CFAP57: variants seen among roughly 807,000 people sequenced by gnomAD.
The protein encoded by CFAP57 is cilia- and flagella-associated protein 57.
Under a neutral mutation model 146.8 loss-of-function variants are expected in CFAP57, and 116 were observed. The observed-to-expected ratio is 0.79, with a 90% confidence interval of 0.68 to 0.92. The LOEUF (loss-of-function observed/expected upper bound fraction) is 0.92. Ranked by LOEUF, CFAP57 falls within the 40% of genes least tolerant of loss-of-function variation. The pLI, the probability that CFAP57 is intolerant of heterozygous loss-of-function variation, is 0.00. For missense variants in CFAP57, 1,377 were observed against 1,527.2 expected (o/e 0.90, Z 1.64); for synonymous variants, 518 against 552.8 (o/e 0.94, Z 0.88).
At chr1:43,235,772 C>T (rs1351805430) in intron 21 of CFAP57, among the ~76,000 whole-genome samples, 1 of 152,302 alleles carries the variant, frequency 6.6e-6, no homozygotes, top group East Asian at 1.9e-4. Context: ...TGGAGAGCCC[C>T]CTGGGGCTCT....
chr1:43,186,337 C>T (rs1458518023), intron 5 of CFAP57, among the ~76,000 whole-genome samples: 2 of 151,920 alleles, frequency 1.3e-5, no homozygotes, highest in African/African-American at 4.8e-5. Context: ...CTAGGCCGGG[C>T]GCAGTTGCTC....
chr1:43,213,875 T>C (rs1375740860), intron 11 of CFAP57, among the ~76,000 whole-genome samples: 5 of 148,076 alleles, frequency 3.4e-5, no homozygotes, highest in Non-Finnish European at 6.0e-5. Context: ...TGTCTATTCA[T>C]GTCCTTAGCC....
At chr1:43,218,301 C>T (rs750444204) in intron 12 of CFAP57, among the ~76,000 whole-genome samples, 33 of 152,072 alleles carry the variant, frequency 2.2e-4, no homozygotes, top group Non-Finnish European at 3.7e-4. Context: ...TCATTGAGTA[C>T]GATGGGAGAA....
intron 18 of CFAP57, among the ~76,000 whole-genome samples, chr1:43,231,062 C>T (rs1645447236): frequency 2.0e-5 from 3 of 152,190 alleles, no homozygotes; most frequent in South Asian, 2.1e-4. Context: ...AGGCTCTTTT[C>T]GTGTCCCTCA....
rs551434435 is a variant in CFAP57 at position 43,240,363 on chromosome 1, A to G, written c.3406-2864A>G. Among the ~76,000 whole-genome samples the G allele has an allele frequency of 4.6e-5, 7 of 152,304 alleles. No individual in the cohort carries two copies. In the East Asian group the frequency reaches 1.2e-3, roughly 25 times the overall value. ...GTGCCATGGGACTGTTTTCCTTAGT[A>G]GGTTTTCAGATATCTTCTAGGATGT... On this transcript the variant is annotated intron_variant, in intron 21 of 22. Coordinates refer to ENST00000372492, the MANE Select transcript of CFAP57 (RefSeq NM_001378189.1).
At position 43,240,999 on chromosome 1, in the gene CFAP57, TA is replaced by T. The variant is rs1257332002; in HGVS notation, c.3406-2226del. On this transcript the variant is annotated intron_variant, in intron 21 of 22. Transcript: ENST00000372492. ...ACAGGCACCCGCCACCACGCCCGGC[TA>T]ACTGTTTGTATTTTTAGCGTAGACG... Among the ~76,000 whole-genome samples the T allele has an allele frequency of 5.3e-5, 8 of 152,180 alleles. No homozygotes were observed. The East Asian group carries it at 1.5e-3, about 29-fold the overall frequency.
At chr1:43,234,721 C>G in intron 21 of CFAP57, 83 bp downstream of exon 21, 1 of 1,458,652 alleles carries the variant, frequency 6.9e-7, no homozygotes, top group Non-Finnish European at 9.1e-7. Context: ...CTGAGACCAC[C>G]TGTCTTCAGG....
chr1:43,209,913 C>A lies in CFAP57; in HGVS notation c.1926C>A (p.Thr642=). ...NEYQAHAGPI[T]KMLLTFDDQF... ...ACCAGGCCCATGCCGGTCCTATCAC[C>A]AAGGTGAGCAGGGCCCTCTCCCCAG... Residue 642 remains threonine, a synonymous_variant, in exon 11 of 23, where the codon ACC becomes ACA. Transcript: ENST00000372492. 6.2e-7 allele frequency: 1 copy of A among 1,614,252 alleles called. No individual in the cohort carries two copies. Among genetic ancestry groups the A allele is most frequent in the Non-Finnish European group, 8.5e-7 (1 of 1,180,042 alleles).
intron 19 of CFAP57, 149 bp from the exon 20 acceptor site, chr1:43,234,130 T>A: frequency 1.1e-6 from 1 of 944,098 alleles, no homozygotes; most frequent in Non-Finnish European, 1.5e-6. Context: ...CGTCTAAGTT[T>A]CTATGCCCAG....
At chr1:43,196,271 T>G (rs77660622) in intron 6 of CFAP57, 1 of 152,352 alleles carries the variant, frequency 6.6e-6, no homozygotes, top group African/African-American at 2.4e-5. Flanking sequence ...CAAGAGAGAT[T>G]TGAGTGTGTA....
intron 10 of CFAP57, among the ~76,000 whole-genome samples, chr1:43,207,882 T>G (rs904912760): frequency 1.3e-5 from 2 of 152,228 alleles, no homozygotes; most frequent in Non-Finnish European, 2.9e-5. Context: ...GTGACTCTCC[T>G]GTGTACCCCC....
chr1:43,183,809 G>T lies in CFAP57; in HGVS notation c.693G>T (p.Glu231Asp). Residue 231 changes from glutamate (E) to aspartate (D), a missense_variant, in exon 4 of 23, where the codon GAG becomes GAT. Glu to Asp is a conservative substitution (Grantham distance 45). Transcript: ENST00000372492. ...FLFESGDQRWETSIMVKEPTN... is the reference protein window; with the variant it reads ...FLFESGDQRWDTSIMVKEPTN... ...TTGAATCTGGAGATCAGCGTTGGGA[G>T]ACCAGCATAATGGTCAAGGAACCTA... The T allele has an allele frequency of 6.2e-7, 1 of 1,614,150 alleles. No homozygotes were observed. Among genetic ancestry groups the T allele is most frequent in the South Asian group, 1.1e-5 (1 of 91,066 alleles).
chr1:43,187,565 C>G (rs1346902972), intron 6 of CFAP57, among the ~76,000 whole-genome samples: 2 of 150,716 alleles, frequency 1.3e-5, no homozygotes, highest in African/African-American at 2.4e-5. Context: ...GTTATGCAAC[C>G]ATTTATCATA....
At position 43,183,688 on chromosome 1, in the gene CFAP57, G is replaced by C. The variant is rs773042662; in HGVS notation, c.572G>C (p.Ser191Thr). The C allele has an allele frequency of 6.2e-7, 1 of 1,614,236 alleles. No individual in the cohort carries two copies. The highest frequency in any genetic ancestry group is 8.5e-7 in the Non-Finnish European group (1 of 1,180,044). The change falls in exon 4 of 23, where the codon AGC becomes ACC. Residue 191 changes from serine to threonine, a missense_variant. Physicochemically the swap from Ser to Thr is moderately conservative, Grantham distance 58 (BLOSUM62 1). Coordinates refer to ENST00000372492, the MANE Select transcript of CFAP57 (RefSeq NM_001378189.1). Reference protein sequence around the residue: ...RFAEGTLKQTSFQRGEPQNYL... With the variant: ...RFAEGTLKQTTFQRGEPQNYL... ...GCTGAGGGAACCCTGAAGCAAACCA[G>C]CTTTCAGAGGGGAGAACCCCAAAAC...
chr1:43,224,557 C>T (rs4660250), intron 17 of CFAP57, among the ~76,000 whole-genome samples: 132,639 of 152,164 alleles, frequency 0.87, 58,611 homozygotes, highest in East Asian at 1. Flanking sequence ...TCCTTGGAGG[C>T]GCTTCCCCAT....
intron 2 of CFAP57, chr1:43,176,972 C>A: frequency 5.4e-6 from 2 of 368,120 alleles, no homozygotes; most frequent in South Asian, 2.0e-5. Flanking sequence ...GTGGTAAGAA[C>A]CGGGGGGTGA....
At chr1:43,181,099 T>A (rs1645386495) in intron 2 of CFAP57, among the ~76,000 whole-genome samples, 1 of 152,034 alleles carries the variant, frequency 6.6e-6, no homozygotes, top group Non-Finnish European at 1.5e-5. Flanking sequence ...TTGGGGACAG[T>A]CTCGCTCTGT....
intron 21 of CFAP57, among the ~76,000 whole-genome samples, chr1:43,239,705 T>G (rs1645836185): frequency 6.6e-6 from 1 of 152,162 alleles, no homozygotes; most frequent in Admixed American, 6.5e-5. Flanking sequence ...TGATGATTGT[T>G]ATTGAGTTAT....
rs773760292 is a variant in CFAP57, at chr1:43,210,033, C to T, written c.1929+117C>T. Reference sequence around the variant, plus strand: ...TCCTTCTTCTCTCTTATTTATTCATCCATCATTCATTGAATCACCATCTAT... The same window carrying T: ...TCCTTCTTCTCTCTTATTTATTCATTCATCATTCATTGAATCACCATCTAT... On this transcript the variant is annotated intron_variant, in intron 11 of 22. Transcript: ENST00000372492. 16 of 1,613,822 alleles carry T rather than the reference C, an allele frequency of 9.9e-6. No individual in the cohort carries two copies. The African/African-American group carries it at 2.1e-4, about 22-fold the overall frequency.
Sources: gnomAD v4.1 joint callset for allele counts (sites outside exome capture counted in the v4.1 genomes callset) on GRCh38, gnomAD v4.1.1 for gene constraint, MANE v1.5 for transcripts, NCBI Gene and HGNC (gene_info 2026-07-23, HGNC 2026-07-21) for gene names.